The following TRPC4 variants were observed in gnomAD, a reference collection of about 807,000 sequenced individuals.
TRPC4 encodes short transient receptor potential channel 4.
In TRPC4, 49 loss-of-function variants were observed where a neutral mutation model predicts 99.4. The observed-to-expected ratio is 0.49, with a 90% confidence interval of 0.39 to 0.63. TRPC4 has a LOEUF of 0.63. TRPC4 is among the 20% of genes least tolerant of loss of function. The pLI, the probability that TRPC4 is intolerant of heterozygous loss-of-function variation, is 0.00. For missense variants in TRPC4, 898 were observed against 1,152.9 expected (o/e 0.78, Z 3.20); for synonymous variants, 454 against 425.9 (o/e 1.07, Z -0.81).
chr13:37,695,590 T>C (rs889429170), intron 3 of TRPC4, among the ~76,000 whole-genome samples: 6 of 152,208 alleles, frequency 3.9e-5, no homozygotes, highest in Non-Finnish European at 7.3e-5. Context: ...ACTCCTGCCA[T>C]CCCATTAAAA....
At chr13:37,815,822 C>T (rs1213401510) in intron 1 of TRPC4, among the ~76,000 whole-genome samples, 1 of 151,810 alleles carries the variant, frequency 6.6e-6, no homozygotes, top group Non-Finnish European at 1.5e-5. Context: ...ACATTCTTCT[C>T]ATATGCATGT....
At chr13:37,803,349 G>A (rs1292987983) in intron 1 of TRPC4, among the ~76,000 whole-genome samples, 1 of 151,994 alleles carries the variant, frequency 6.6e-6, no homozygotes, top group Non-Finnish European at 1.5e-5. Context: ...TCACTGACTA[G>A]GCAGACAGTG....
intron 1 of TRPC4, among the ~76,000 whole-genome samples, chr13:37,808,091 G>A (rs191767672): frequency 2.0e-5 from 3 of 151,922 alleles, no homozygotes; most frequent in Admixed American, 6.6e-5. Context: ...TCTTTCTTCA[G>A]AATTTAAAGA....
intron 4 of TRPC4, among the ~76,000 whole-genome samples, chr13:37,691,192 C>T (rs537991961): frequency 2.6e-5 from 4 of 152,082 alleles, no homozygotes; most frequent in Non-Finnish European, 4.4e-5. Flanking sequence ...AGCTCCGCCT[C>T]CCGGGTTCAC....
At chr13:37,667,574 C>A (rs1397433609) in intron 5 of TRPC4, among the ~76,000 whole-genome samples, 2 of 152,218 alleles carry the variant, frequency 1.3e-5, no homozygotes, top group Non-Finnish European at 2.9e-5. Context: ...TCACAAAGTG[C>A]TGGGATTACA....
chr13:37,684,616 T>G (rs1469775761), intron 4 of TRPC4, among the ~76,000 whole-genome samples: 1 of 152,110 alleles, frequency 6.6e-6, no homozygotes, highest in Non-Finnish European at 1.5e-5. Flanking sequence ...CAATTCCTTG[T>G]TCATTACCTT....
At chr13:37,640,895 G>A (rs942264997) in intron 8 of TRPC4, among the ~76,000 whole-genome samples, 1 of 152,072 alleles carries the variant, frequency 6.6e-6, no homozygotes, top group Non-Finnish European at 1.5e-5. Flanking sequence ...AATATAGAAA[G>A]AATTTAGTCT....
chr13:37,640,797 C>T (rs956575588), intron 8 of TRPC4, among the ~76,000 whole-genome samples: 126 of 152,096 alleles, frequency 8.3e-4, no homozygotes, highest in African/African-American at 2.9e-3. Context: ...TAAAGTGAGT[C>T]GTACATCAAT....
chr13:37,763,720 T>C (rs1956285504), intron 2 of TRPC4, among the ~76,000 whole-genome samples: 1 of 151,730 alleles, frequency 6.6e-6, no homozygotes, highest in South Asian at 2.1e-4. Context: ...TGTCTTCAGG[T>C]GGGAAACCAC....
intron 1 of TRPC4, among the ~76,000 whole-genome samples, chr13:37,809,221 T>G (rs1386969098): frequency 5.9e-5 from 9 of 152,002 alleles, no homozygotes; most frequent in Non-Finnish European, 2.9e-5. Flanking sequence ...AGGTTGAGAG[T>G]GTACCCTTAC....
intron 2 of TRPC4, among the ~76,000 whole-genome samples, chr13:37,777,607 T>C (rs1956742859): frequency 6.6e-6 from 1 of 151,774 alleles, no homozygotes; most frequent in African/African-American, 2.4e-5. Flanking sequence ...AAAAAAGAGG[T>C]CTTGAACTCT....
intron 8 of TRPC4, among the ~76,000 whole-genome samples, chr13:37,646,262 GTTC>G (rs888745699): frequency 3.3e-5 from 5 of 152,126 alleles, no homozygotes; most frequent in Admixed American, 1.3e-4. Flanking sequence ...CCTGCCTCCT[GTTC>G]TTCTCACCAT....
At chr13:37,771,988 T>C (rs1037941207) in intron 2 of TRPC4, among the ~76,000 whole-genome samples, 5 of 151,626 alleles carry the variant, frequency 3.3e-5, no homozygotes, top group African/African-American at 1.2e-4. Context: ...GAAGTTGGAC[T>C]AGGGGGCAGC....
intron 1 of TRPC4, among the ~76,000 whole-genome samples, chr13:37,849,400 A>G (rs140755662): frequency 6.6e-6 from 1 of 152,270 alleles, no homozygotes; most frequent in Non-Finnish European, 1.5e-5. Flanking sequence ...GTTTTTGACC[A>G]TGCAATAAAC....
intron 2 of TRPC4, among the ~76,000 whole-genome samples, chr13:37,767,110 A>T: frequency 6.6e-6 from 1 of 151,432 alleles, no homozygotes; most frequent in East Asian, 2.0e-4. Flanking sequence ...TCTGAGAAAC[A>T]TATCTATATT....
intron 1 of TRPC4, among the ~76,000 whole-genome samples, chr13:37,820,295 G>A (rs1226447860): frequency 6.6e-6 from 1 of 151,960 alleles, no homozygotes; most frequent in Non-Finnish European, 1.5e-5. Flanking sequence ...AATTGAATCA[G>A]TAATAAAAAT....
At position 37,692,278 on chromosome 13, in the gene TRPC4, G is replaced by A. The variant is rs1473547584; in HGVS notation, c.955C>T (p.Pro319Ser). Residue 319 changes from proline (P) to serine (S), a missense_variant, in exon 4 of 11, where the codon CCA becomes TCA. Pro to Ser is a moderately conservative substitution (Grantham distance 74). Transcript: ENST00000379705. ...GCCCAGTGTCTTCTCCTCCAGCCTG[G>A]AAACTCATCGTACCAGCGAGATGCC... Reference protein sequence around the residue: ...LLASRWYDEFPGWRRRHWAVK... With the variant: ...LLASRWYDEFSGWRRRHWAVK... The A allele has an allele frequency of 5.0e-6, 8 of 1,613,978 alleles. No individual in the cohort carries two copies. Among genetic ancestry groups the A allele is most frequent in the Admixed American group, 1.7e-5 (1 of 59,992 alleles).
intron 1 of TRPC4, among the ~76,000 whole-genome samples, chr13:37,803,478 A>G (rs1168933668): frequency 2.0e-5 from 3 of 152,080 alleles, no homozygotes; most frequent in Non-Finnish European, 4.4e-5. Context: ...TGATATTTAA[A>G]ACTCCAGTCT....
At chr13:37,745,899 C>A in intron 3 of TRPC4, 38 bp downstream of exon 3, 1 of 1,577,788 alleles carries the variant, frequency 6.3e-7, no homozygotes, top group South Asian at 1.2e-5. Flanking sequence ...TGATTAAACT[C>A]TATGGCATTT....
Sources: gnomAD v4.1 joint callset for allele counts (sites outside exome capture counted in the v4.1 genomes callset) on GRCh38, gnomAD v4.1.1 for gene constraint, MANE v1.5 for transcripts, NCBI Gene and HGNC (gene_info 2026-07-23, HGNC 2026-07-21) for gene names.